Variants in EXOSC10 observed in about 807,000 individuals in gnomAD.
EXOSC10 encodes exosome component 10, also known as exosome complex component 10.
EXOSC10 carries 94 observed loss-of-function variants against 126.6 expected under a neutral mutation model. The observed-to-expected ratio is 0.74, with a 90% confidence interval of 0.63 to 0.88. The LOEUF is 0.88. Ranked by LOEUF, EXOSC10 falls within the 40% of genes least tolerant of loss-of-function variation. EXOSC10 has a pLI of 0.00. For missense variants in EXOSC10, 1,041 were observed against 1,100.5 expected, an observed-to-expected ratio of 0.95 and a Z score of 0.77; for synonymous variants, 395 against 400.8, an observed-to-expected ratio of 0.99 and a Z score of 0.17.
intron 24 of EXOSC10, 99 bp from the exon 25 acceptor site, chr1:11,066,847 G>C: frequency 6.9e-7 from 1 of 1,450,762 alleles, no homozygotes; most frequent in Non-Finnish European, 9.7e-7. Context: ...GCAGAACAGA[G>C]GAAGAATGGT....
rs768094074 is a variant in EXOSC10, at chr1:11,068,086, TGAAAA to T, written c.2551-7_2551-3del. The T allele has an allele frequency of 3.7e-6, 6 of 1,613,964 alleles. No individual in the cohort carries two copies. The highest frequency in any genetic ancestry group is 4.5e-5 in the East Asian group (2 of 44,886). ...AATTTTTTTGGCTGCAATGCATTTC[TGAAAA>T]GAAAAGAAACCGTTTAAGCTGGGTG... is the stretch of plus-strand genomic sequence containing the variant. On this transcript the variant is annotated splice_polypyrimidine_tract_variant and splice_region_variant and intron_variant, in intron 23 of 24. Coordinates refer to ENST00000376936, the MANE Select transcript of EXOSC10 (RefSeq NM_001001998.3).
chr1:11,066,695 C>T lies in EXOSC10; in HGVS notation c.*23G>A. 6.2e-7 allele frequency: 1 copy of T among 1,614,024 alleles called. No individual in the cohort carries two copies. Among genetic ancestry groups the T allele is most frequent in the Non-Finnish European group, 8.5e-7 (1 of 1,179,842 alleles). ...ACCAGCATTTGGTGCTTCCGGTCCA[C>T]AGGCGCCACGTGTCTTCCAGGACTA... is the stretch of plus-strand genomic sequence containing the variant. On this transcript the variant is annotated 3_prime_UTR_variant, in exon 25 of 25. Coordinates refer to ENST00000376936, the MANE Select transcript of EXOSC10 (RefSeq NM_001001998.3).
At position 11,087,491 on chromosome 1, in the gene EXOSC10, A is replaced by C; in HGVS notation, c.1046T>G (p.Met349Arg). Residue 349 changes from methionine to arginine, a missense_variant, in exon 9 of 25, where the codon ATG becomes AGG. By Grantham distance (91) the Met-to-Arg change is moderately conservative. Transcript: ENST00000376936. ...TGTGAGGCTCTCATTGAGAATGTAC[A>C]TGTCACTTCGAAGCTCGAGGGTGTC... The part of the protein sequence containing the change: ...IIDTLELRSD[M>R]YILNESLTDP... The C allele has an allele frequency of 6.2e-7, 1 of 1,614,124 alleles. No individual in the cohort carries two copies. The highest frequency in any genetic ancestry group is 8.5e-7 in the Non-Finnish European group (1 of 1,180,022).
At chr1:11,096,026 C>T in intron 2 of EXOSC10, 145 bp from the exon 3 acceptor site, 5 of 887,120 alleles carry the variant, frequency 5.6e-6, no homozygotes, top group Non-Finnish European at 8.3e-6. Context: ...CTCTGTTGCC[C>T]AGGCTGGAGT....
intron 19 of EXOSC10, among the ~76,000 whole-genome samples, chr1:11,073,532 TGA>T (rs1639632847): frequency 6.6e-6 from 1 of 152,140 alleles, no homozygotes; most frequent in Admixed American, 6.6e-5. Context: ...GATTCACAGA[TGA>T]GATAGGCTTG....
Position 11,080,381 on chromosome 1 carries a change from T to C in EXOSC10, c.1637+118A>G, listed in dbSNP as rs1463655791. The C allele has an allele frequency of 8.6e-6, 11 of 1,273,646 alleles. No homozygotes were observed. In the East Asian group the frequency reaches 2.3e-4, roughly 27 times the overall value. The allele number at this position is 1,273,646 out of a possible 1,614,324, so 78.9% of individuals were successfully genotyped here. A position where few individuals can be genotyped will look rare whatever the true frequency, so the allele number is the denominator to read the frequency against. The stretch of plus-strand genomic sequence containing the variant: ...TCCTTCAACTTGCTACCTTCCAAGC[T>C]TGGAGCATTAATCTCTGAGTAAGCA... On this transcript the variant is annotated intron_variant, in intron 13 of 24. Coordinates refer to ENST00000376936, the MANE Select transcript of EXOSC10 (RefSeq NM_001001998.3).
intron 14 of EXOSC10, among the ~76,000 whole-genome samples, chr1:11,078,901 T>TA (rs535060313): frequency 1.4e-4 from 22 of 151,948 alleles, no homozygotes; most frequent in African/African-American, 3.6e-4. Flanking sequence ...TCAACTATCA[T>TA]AAAAAAAAGC....
rs754062521 is a variant in EXOSC10 at position 11,082,825 on chromosome 1, C to A, written c.1143G>T (p.Leu381Phe). The A allele has an allele frequency of 6.2e-7, 1 of 1,614,190 alleles. No homozygotes were observed. The highest frequency in any genetic ancestry group is 1.7e-5 in the Admixed American group (1 of 60,006). ...GAGTATCAAACATGTTTACTACATA[C>A]AACCCAAAGTCTTTCTGTAGCCATT... is the stretch of plus-strand genomic sequence containing the variant. ...DIEWLQKDFG[L>F]YVVNMFDTHQ... is the part of the protein sequence containing the mutation. Residue 381 changes from leucine to phenylalanine, a missense_variant, in exon 10 of 25, where the codon TTG (leucine) becomes TTT (phenylalanine). This residue lies in a region of EXOSC10 where 645 missense variants were observed against 656.3 expected (regional missense o/e 0.98). Coordinates refer to ENST00000376936, the MANE Select transcript of EXOSC10 (RefSeq NM_001001998.3).
At chr1:11,097,935 G>A in intron 2 of EXOSC10, 85 bp downstream of exon 2, 3 of 1,329,828 alleles carry the variant, frequency 2.3e-6, no homozygotes, top group East Asian at 5.4e-5. Flanking sequence ...AATGTTTAAG[G>A]AAAAATAAAT....
At chr1:11,071,254 T>C in intron 20 of EXOSC10, 1 of 423,924 alleles carries the variant, frequency 2.4e-6, no homozygotes, top group Non-Finnish European at 4.2e-6. Context: ...CTGAGGGCGT[T>C]TAACAGGATC....
chr1:11,098,284 C>T, intron 1 of EXOSC10, 128 bp from the exon 2 acceptor site: 1 of 1,132,232 alleles, frequency 8.8e-7, no homozygotes, highest in Non-Finnish European at 1.2e-6. Flanking sequence ...CATTTAGTGC[C>T]AAACCCCAAT....
At position 11,099,821 on chromosome 1, in the gene EXOSC10, G is replaced by C; in HGVS notation, c.11C>G (p.Pro4Arg). MAP[P>R]STREPRVLSA... is the part of the protein sequence containing the mutation. Reference sequence around the variant, plus strand: ...CAGGACCCTGGGCTCCCGGGTACTGGGTGGCGCCATTTTTTCAGCCTGCAC... The same window carrying C: ...CAGGACCCTGGGCTCCCGGGTACTGCGTGGCGCCATTTTTTCAGCCTGCAC... Residue 4 changes from proline to arginine, a missense_variant, in exon 1 of 25, where the codon CCC becomes CGC. Pro to Arg is a moderately radical substitution (Grantham distance 103). Transcript: ENST00000376936. The C allele has an allele frequency of 6.2e-7, 1 of 1,606,458 alleles. No homozygotes were observed. The highest frequency in any genetic ancestry group is 8.5e-7 in the Non-Finnish European group (1 of 1,175,956).
intron 11 of EXOSC10, 83 bp downstream of exon 11, chr1:11,080,999 G>C (rs951917169): frequency 1.3e-6 from 2 of 1,580,740 alleles, no homozygotes; most frequent in Non-Finnish European, 1.7e-6. Context: ...TTTCATGAAT[G>C]TAAGGAGCAA....
intron 14 of EXOSC10, among the ~76,000 whole-genome samples, chr1:11,077,872 A>C (rs1639908644): frequency 3.9e-5 from 6 of 152,208 alleles, no homozygotes; most frequent in South Asian, 4.1e-4. Flanking sequence ...ATGACTAAGC[A>C]CAATAGGAAG....
intron 21 of EXOSC10, 52 bp from the exon 22 acceptor site, chr1:11,069,782 G>A: frequency 6.3e-7 from 1 of 1,595,580 alleles, no homozygotes; most frequent in Non-Finnish European, 8.6e-7. Flanking sequence ...CATGGGAACA[G>A]GGAACTCCAC....
chr1:11,080,356 T>A, intron 13 of EXOSC10, 143 bp downstream of exon 13: 4 of 1,001,006 alleles, frequency 4.0e-6, no homozygotes, highest in Non-Finnish European at 6.1e-6. Context: ...AATTCTATAT[T>A]CCTTCAACTT....
intron 11 of EXOSC10, 30 bp downstream of exon 11, chr1:11,081,052 G>C: frequency 6.2e-7 from 1 of 1,611,418 alleles, no homozygotes; most frequent in Non-Finnish European, 8.5e-7. Context: ...CCCAAGTGTC[G>C]CGGTCTGTGT....
intron 3 of EXOSC10, among the ~76,000 whole-genome samples, chr1:11,093,905 A>G (rs899786750): frequency 1.3e-5 from 2 of 151,870 alleles, no homozygotes; most frequent in East Asian, 3.9e-4. Flanking sequence ...ACAGCAAGAC[A>G]TTGTCTCTAT....
rs774998241 is a variant in EXOSC10, at chr1:11,082,764, A to G, written c.1204T>C (p.Ser402Pro). Residue 402 changes from serine (S) to proline (P), a missense_variant, in exon 10 of 25, where the codon TCA (serine) becomes CCA (proline). Ser to Pro is a moderately conservative substitution (Grantham distance 74). Around this residue, in one of 3 missense-constraint regions of EXOSC10, gnomAD observed 645 missense variants for 656.3 expected, o/e 0.98. Transcript: ENST00000376936. Reference protein sequence around the residue: ...AARLLNLGRHSLDHLLKLYCN... With the variant: ...AARLLNLGRHPLDHLLKLYCN... The stretch of plus-strand genomic sequence containing the variant: ...TAGAGTTTCAGGAGATGATCGAGTG[A>G]GTGCCTGCCCAGGTTAAGAAGGCGT... The G allele has an allele frequency of 6.2e-7, 1 of 1,614,194 alleles. No individual in the cohort carries two copies. Among genetic ancestry groups the G allele is most frequent in the Non-Finnish European group, 8.5e-7 (1 of 1,180,024 alleles).
Sources: allele counts gnomAD v4.1 joint callset (sites outside exome capture counted in the v4.1 genomes callset), GRCh38; gene constraint gnomAD v4.1.1; regional missense constraint gnomAD v4.1.1; transcripts MANE v1.5; gene names NCBI Gene and HGNC (gene_info 2026-07-23, HGNC 2026-07-21).